Variants in RYR3 observed in about 807,000 individuals in gnomAD.
The protein encoded by RYR3 is brain ryanodine receptor-calcium release channel.
A neutral mutation model predicts 584.3 loss-of-function variants in RYR3; 207 were observed. The observed-to-expected ratio is 0.35, with a 90% CI of 0.32 to 0.40. The LOEUF is 0.40. Ranked by LOEUF, RYR3 falls within the 10% of genes least tolerant of loss-of-function variation. RYR3 has a pLI of 1.00. For missense variants in RYR3, 5,616 were observed against 6,089.2 expected, an observed-to-expected ratio of 0.92 and a Z score of 2.59; for synonymous variants, 2,416 against 2,248.5, an observed-to-expected ratio of 1.07 and a Z score of -2.11.
At chr15:33,794,351 A>ATATAACATATATATATGTATG in intron 67 of RYR3, among the ~76,000 whole-genome samples, 1 of 143,134 alleles carries the variant, frequency 7.0e-6, no homozygotes, top group South Asian at 2.2e-4. Context: ...ATATAAAAAT[A>ATATAACATATATATATGTATG]TATATATATA....
Position 33,583,744 on chromosome 15 carries a change from G to A in RYR3, c.1574-651G>A, listed in dbSNP as rs558734182. ...AAGACCAGCTTGGGCAACATAGTGA[G>A]ACCCCATCTCAATAAAAAATATTTA... On this transcript the variant is annotated intron_variant, in intron 14 of 103. Transcript: ENST00000634891. Among the ~76,000 whole-genome samples the A allele has an allele frequency of 3.9e-5, 6 of 152,238 alleles. No individual in the cohort carries two copies. The South Asian group carries it at 6.2e-4, about 16-fold the overall frequency.
intron 66 of RYR3, 94 bp downstream of exon 66, chr15:33,786,076 CAAG>C: frequency 1.8e-6 from 2 of 1,131,028 alleles, no homozygotes; most frequent in Admixed American, 4.8e-5. Context: ...TGGTTTTGCA[CAAG>C]CTCTATTCTA....
At chr15:33,550,102 T>G in intron 9 of RYR3, 58 bp from the exon 10 acceptor site, 2 of 1,550,968 alleles carry the variant, frequency 1.3e-6, no homozygotes, top group African/African-American at 2.7e-5. Context: ...ATAGGATAAA[T>G]ACTGAAAAGG....
chr15:33,398,173 C>A (rs1486228138), intron 1 of RYR3, among the ~76,000 whole-genome samples: 1 of 152,176 alleles, frequency 6.6e-6, no homozygotes, highest in Non-Finnish European at 1.5e-5. Context: ...GAACACACAA[C>A]ATTGACAGAA....
chr15:33,673,084 C>T (rs189970651), intron 38 of RYR3, among the ~76,000 whole-genome samples: 2 of 152,306 alleles, frequency 1.3e-5, no homozygotes, highest in East Asian at 3.9e-4. Context: ...GCATACATAC[C>T]ATGAGCTACA....
chr15:33,620,175 A>AC (rs2060648956), intron 19 of RYR3, among the ~76,000 whole-genome samples: 1 of 152,110 alleles, frequency 6.6e-6, no homozygotes, highest in Non-Finnish European at 1.5e-5. Flanking sequence ...CCTTGGCGTC[A>AC]CCCTGAGCGA....
In RYR3 at chr15:33,473,445, C is replaced by A. The variant is rs199968653; in HGVS notation, c.78C>A (p.Ile26=). 8.7e-4 allele frequency: 1,406 copies of A among 1,613,856 alleles called. 13 individuals carry two copies. The South Asian group carries it at 0.012, about 14-fold the overall frequency. ...RTEDEVVLQC[I]ATIHKEQRKF... is the part of the protein sequence containing the mutation. Reference sequence around the variant, plus strand: ...AGGATGAAGTGGTACTCCAGTGCATCGCCACCATTCATAAGGAGCAGAGGA... The same window carrying A: ...AGGATGAAGTGGTACTCCAGTGCATAGCCACCATTCATAAGGAGCAGAGGA... Residue 26 remains isoleucine (I), a synonymous_variant, in exon 2 of 104, where the codon ATC becomes ATA. Transcript: ENST00000634891.
intron 54 of RYR3, 46 bp downstream of exon 54, chr15:33,748,306 T>A: frequency 1.2e-6 from 2 of 1,603,436 alleles, no homozygotes; most frequent in Middle Eastern, 3.4e-4. Context: ...ATGGAAGCCA[T>A]GGAGAATCTG....
intron 38 of RYR3, among the ~76,000 whole-genome samples, chr15:33,688,229 C>A (rs1015048603): frequency 3.3e-5 from 5 of 152,032 alleles, no homozygotes; most frequent in African/African-American, 9.7e-5. Flanking sequence ...AAAAAAACAA[C>A]CCCATCAAAA....
intron 38 of RYR3, among the ~76,000 whole-genome samples, chr15:33,689,576 C>T (rs544767631): frequency 6.6e-6 from 1 of 152,122 alleles, no homozygotes; most frequent in African/African-American, 2.4e-5. Context: ...CTTGGAAGGC[C>T]CCTCTTTTAA....
chr15:33,566,721 T>A lies in RYR3; in HGVS notation c.1190T>A (p.Leu397Gln). ...GGCCACATGGATGATGGATTAACAC[T>A]GCAGAGATGCCAGCGTGAGGAGTCC... ...QEGHMDDGLT[L>Q]QRCQREESQA... The change falls in exon 12 of 104, where the codon CTG (leucine) becomes CAG (glutamine). Residue 397 changes from leucine (L) to glutamine (Q), a missense_variant. Coordinates refer to ENST00000634891, the MANE Select transcript of RYR3 (RefSeq NM_001036.6). The A allele has an allele frequency of 6.2e-7, 1 of 1,613,784 alleles. No homozygotes were observed. Among genetic ancestry groups the A allele is most frequent in the Non-Finnish European group, 8.5e-7 (1 of 1,179,718 alleles).
At chr15:33,467,819 A>G (rs1292032388) in intron 1 of RYR3, among the ~76,000 whole-genome samples, 4 of 152,172 alleles carry the variant, frequency 2.6e-5, no homozygotes, top group Admixed American at 2.6e-4. Context: ...CAGTGTTGCA[A>G]TCATGGGGAA....
At chr15:33,674,439 G>A (rs1282084629) in intron 38 of RYR3, among the ~76,000 whole-genome samples, 1 of 152,084 alleles carries the variant, frequency 6.6e-6, no homozygotes, top group African/African-American at 2.4e-5. Flanking sequence ...AGTAGTGTAT[G>A]TATGACTTTC....
intron 19 of RYR3, among the ~76,000 whole-genome samples, chr15:33,618,692 A>G (rs1439292234): frequency 6.6e-6 from 1 of 152,224 alleles, no homozygotes; most frequent in East Asian, 1.9e-4. Flanking sequence ...TCTGGGAGGA[A>G]TTCGATAGCA....
At chr15:33,386,412 A>C (rs1393495535) in intron 1 of RYR3, among the ~76,000 whole-genome samples, 1 of 152,258 alleles carries the variant, frequency 6.6e-6, no homozygotes, top group Non-Finnish European at 1.5e-5. Flanking sequence ...CTTTCGCGTC[A>C]AAAATTTAAA....
intron 18 of RYR3, among the ~76,000 whole-genome samples, chr15:33,606,400 C>A (rs765100795): frequency 1.1e-4 from 16 of 152,188 alleles, no homozygotes; most frequent in Admixed American, 4.6e-4. Flanking sequence ...CCAGTTAGGG[C>A]TACCCCAGGA....
chr15:33,569,069 G>C (rs1159432306), intron 12 of RYR3, among the ~76,000 whole-genome samples: 1 of 152,110 alleles, frequency 6.6e-6, no homozygotes, highest in Non-Finnish European at 1.5e-5. Flanking sequence ...GATCTATATA[G>C]ATAGAGATGC....
intron 2 of RYR3, among the ~76,000 whole-genome samples, chr15:33,490,636 G>A (rs2050885356): frequency 6.6e-6 from 1 of 151,752 alleles, no homozygotes; most frequent in Admixed American, 6.6e-5. Context: ...TAAAGATGAA[G>A]AGAGCTTTTA....
At chr15:33,706,385 A>T (rs1293614969) in intron 42 of RYR3, among the ~76,000 whole-genome samples, 2 of 151,982 alleles carry the variant, frequency 1.3e-5, no homozygotes, top group Non-Finnish European at 2.9e-5. Flanking sequence ...ATAACTTTCC[A>T]TTCTTCCCTC....
Sources: allele counts gnomAD v4.1 joint callset (sites outside exome capture counted in the v4.1 genomes callset), GRCh38; gene constraint gnomAD v4.1.1; transcripts MANE v1.5; gene names NCBI Gene and HGNC (gene_info 2026-07-23, HGNC 2026-07-21).